The following TPTE variants were observed in gnomAD, a reference collection of about 807,000 sequenced individuals.
TPTE encodes the protein transmembrane phosphatase with tensin homology, also known as putative tyrosine-protein phosphatase TPTE.
In TPTE, 59 loss-of-function variants were observed where a neutral mutation model predicts 84.1. The ratio of observed to expected loss-of-function variants is 0.70; its 90% confidence interval spans 0.57 to 0.87. The LOEUF (loss-of-function observed/expected upper bound fraction) is 0.87, where lower values mean the gene tolerates loss of function less well. Ranked by LOEUF, TPTE falls within the 40% of genes least tolerant of loss-of-function variation. TPTE has a pLI of 0.00. For missense variants in TPTE, 382 were observed against 659.6 expected (o/e 0.58, Z 4.61); for synonymous variants, 130 against 223.5 (o/e 0.58, Z 3.73).
chr21:10,522,514 T>G (rs2074000817), intron 1 of TPTE, among the ~76,000 whole-genome samples: 1 of 152,310 alleles, frequency 6.6e-6, no homozygotes, highest in Admixed American at 6.5e-5. Flanking sequence ...TGGGACAAGT[T>G]GGAAACGGTC....
At chr21:10,522,886 C>T (rs867270417) in intron 1 of TPTE, among the ~76,000 whole-genome samples, 4 of 152,304 alleles carry the variant, frequency 2.6e-5, no homozygotes, top group Non-Finnish European at 4.4e-5. Context: ...TATTCAAAAT[C>T]CTCTTTTCTA....
At chr21:10,574,143 CTAAAT>C (rs2075103527) in intron 14 of TPTE, among the ~76,000 whole-genome samples, 1 of 152,312 alleles carries the variant, frequency 6.6e-6, no homozygotes, top group South Asian at 2.1e-4. Context: ...CTGTGGATGA[CTAAAT>C]TAATTTCAAA....
At chr21:10,598,833 TACTA>T (rs1568786473) in intron 21 of TPTE, among the ~76,000 whole-genome samples, 1 of 152,310 alleles carries the variant, frequency 6.6e-6, no homozygotes, top group Non-Finnish European at 1.5e-5. Context: ...ATTCTCCTAT[TACTA>T]ACCCTATTCC....
At chr21:10,564,492 A>G (rs2074875041) in intron 10 of TPTE, among the ~76,000 whole-genome samples, 1 of 152,310 alleles carries the variant, frequency 6.6e-6, no homozygotes, top group South Asian at 2.1e-4. Flanking sequence ...CCTGGGTGAC[A>G]GAGTGAGATT....
intron 8 of TPTE, among the ~76,000 whole-genome samples, chr21:10,555,186 A>G (rs1356901499): frequency 7.2e-5 from 11 of 152,302 alleles, no homozygotes; most frequent in Admixed American, 7.2e-4. Flanking sequence ...CAGTGTATTA[A>G]GGTTTAGTAT....
chr21:10,522,068 C>G (rs1196568938), intron 1 of TPTE, among the ~76,000 whole-genome samples: 1 of 151,814 alleles, frequency 6.6e-6, no homozygotes, highest in East Asian at 1.9e-4. Context: ...GCCCCCCGCC[C>G]GCGCCAGCCG....
At chr21:10,539,362 C>T (rs1365225389) in intron 4 of TPTE, among the ~76,000 whole-genome samples, 10 of 152,310 alleles carry the variant, frequency 6.6e-5, no homozygotes, top group Admixed American at 3.9e-4. Context: ...TGGATGCAGC[C>T]GTTCCTTAGG....
In TPTE at chr21:10,596,080, G is replaced by A. The variant is rs774395404; in HGVS notation, c.1269G>A (p.Ser423=). ...ILFIKHFIIY[S]IPRYVRDLKI... is the part of the protein sequence containing the mutation. Reference sequence around the variant, plus strand: ...TTATAAAACACTTCATTATTTATTCGATTCCTCGTAAGTGCTTTATGTATA... The same window carrying A: ...TTATAAAACACTTCATTATTTATTCAATTCCTCGTAAGTGCTTTATGTATA... Residue 423 remains serine, a synonymous_variant, in exon 20 of 24, where the codon TCG becomes TCA. Coordinates refer to ENST00000618007, the MANE Select transcript of TPTE (RefSeq NM_199261.4). 3.1e-5 allele frequency: 50 copies of A among 1,613,818 alleles called. No individual in the cohort carries two copies. Among genetic ancestry groups the A allele is most frequent in the South Asian group, 2.6e-4 (24 of 91,000 alleles).
intron 8 of TPTE, among the ~76,000 whole-genome samples, chr21:10,557,882 T>C (rs979852252): frequency 6.6e-6 from 1 of 152,312 alleles, no homozygotes. Flanking sequence ...CAAATAGTTA[T>C]CTTTTCTGCT....
chr21:10,522,350 G>A (rs1332764711), intron 1 of TPTE, among the ~76,000 whole-genome samples: 1 of 152,282 alleles, frequency 6.6e-6, no homozygotes, highest in East Asian at 1.9e-4. Context: ...CGGGAGCGGG[G>A]GTCCGGGGGT....
In TPTE at chr21:10,544,092, AC is replaced by A. The variant is rs1209575279; in HGVS notation, c.173+712del. On this transcript the variant is annotated intron_variant, in intron 7 of 23. Coordinates refer to ENST00000618007, the MANE Select transcript of TPTE (RefSeq NM_199261.4). ...GGAGGGTTTTCCCAGTCATGTGAAA[AC>A]CTCTCCTGGAAATAAATCATAAAGG... is the stretch of plus-strand genomic sequence containing the variant. Among the ~76,000 whole-genome samples the A allele has an allele frequency of 2.0e-5, 3 of 152,406 alleles. No individual in the cohort carries two copies. The East Asian group carries it at 5.8e-4, about 29-fold the overall frequency.
chr21:10,551,245 TCAGACA>T (rs573391369), intron 7 of TPTE, among the ~76,000 whole-genome samples: 1,599 of 131,632 alleles, frequency 0.012, no homozygotes, highest in South Asian at 0.061. Context: ...ATGAGAACAC[TCAGACA>T]CAGGAAGGGG....
intron 1 of TPTE, among the ~76,000 whole-genome samples, chr21:10,523,090 C>T (rs2074012522): frequency 1.3e-5 from 2 of 152,422 alleles, no homozygotes; most frequent in Non-Finnish European, 2.9e-5. Context: ...TGGTTATTCT[C>T]TGTAACCCAC....
intron 2 of TPTE, among the ~76,000 whole-genome samples, chr21:10,524,914 T>A (rs1322598594): frequency 6.6e-6 from 1 of 152,308 alleles, no homozygotes; most frequent in Admixed American, 6.5e-5. Context: ...GAAAAATAAT[T>A]CGATAGAAAA....
chr21:10,547,995 CT>C (rs1222952840), intron 7 of TPTE, among the ~76,000 whole-genome samples: 7 of 152,310 alleles, frequency 4.6e-5, no homozygotes, highest in Admixed American at 2.6e-4. Flanking sequence ...TGCTCAGGAC[CT>C]GAGAAACAGC....
At chr21:10,587,931 C>T (rs1385070796) in intron 17 of TPTE, among the ~76,000 whole-genome samples, 3 of 152,308 alleles carry the variant, frequency 2.0e-5, no homozygotes, top group Non-Finnish European at 2.9e-5. Flanking sequence ...TCACTGCAAC[C>T]TCCGCCTCCT....
chr21:10,605,340 C>T (rs2145818115), intron 23 of TPTE, 77 bp from the exon 24 acceptor site: 4 of 1,542,404 alleles, frequency 2.6e-6, no homozygotes, highest in African/African-American at 1.4e-5. Flanking sequence ...TTTCTTCCAG[C>T]TCTAACGTGG....
At chr21:10,537,433 C>G (rs1327661743) in intron 3 of TPTE, among the ~76,000 whole-genome samples, 2 of 152,308 alleles carry the variant, frequency 1.3e-5, no homozygotes, top group Non-Finnish European at 2.9e-5. Flanking sequence ...AATCCCAGCA[C>G]TTTGGGAGGC....
chr21:10,563,124 A>T (rs868649226), intron 10 of TPTE, among the ~76,000 whole-genome samples: 1 of 152,240 alleles, frequency 6.6e-6, no homozygotes, highest in East Asian at 1.9e-4. Context: ...GTGCTGAAGG[A>T]AAAAAACATT....
Sources: gnomAD v4.1 joint callset for allele counts (sites outside exome capture counted in the v4.1 genomes callset) on GRCh38, gnomAD v4.1.1 for gene constraint, MANE v1.5 for transcripts, NCBI Gene and HGNC (gene_info 2026-07-23, HGNC 2026-07-21) for gene names.